Variants in HIKESHI observed in about 807,000 individuals in gnomAD.
HIKESHI encodes heat shock protein nuclear import factor hikeshi.
HIKESHI carries 13 observed loss-of-function variants against 25.7 expected under a neutral mutation model. The ratio of observed to expected loss-of-function variants is 0.51; its 90% CI spans 0.33 to 0.80. The LOEUF is 0.80. Ranked by LOEUF, HIKESHI falls within the 30% of genes least tolerant of loss-of-function variation. The probability of loss-of-function intolerance (pLI) is 0.02; values close to 1 mark genes in which losing one functional copy is unlikely to be tolerated. For missense variants in HIKESHI, 174 were observed against 229.5 expected (o/e 0.76, Z 1.56); for synonymous variants, 76 against 78.7 (o/e 0.97, Z 0.18).
intron 2 of HIKESHI, among the ~76,000 whole-genome samples, chr11:86,309,168 T>TC (rs1431186866): frequency 6.6e-6 from 1 of 152,208 alleles, no homozygotes. Context: ...ATGGTTGAAC[T>TC]AGTTTACAGT....
rs1378645151 is a variant in HIKESHI at position 86,306,095 on chromosome 11, A to G, written c.31-150A>G. 6 of 595,088 alleles carry G rather than the reference A, an allele frequency of 1.0e-5. No individual in the cohort carries two copies. The African/African-American group carries it at 1.1e-4, about 11-fold the overall frequency. 36.9% of individuals were successfully genotyped at this position (595,088 alleles called of 1,614,324 possible). A position where few individuals can be genotyped will look rare whatever the true frequency, so the allele number is the denominator to read the frequency against. On this transcript the variant is annotated intron_variant, in intron 1 of 4. Transcript: ENST00000278483. ...TTTAGTAGATTATGATTGTAAAACT[A>G]AGTATGTATTTAAGACTATCAGATT...
At chr11:86,324,190 CTT>C (rs1294652502) in intron 2 of HIKESHI, 1 of 152,176 alleles carries the variant, frequency 6.6e-6, no homozygotes, top group African/African-American at 2.4e-5. Flanking sequence ...TGCTACCAAA[CTT>C]AGTGTGGACA....
intron 2 of HIKESHI, among the ~76,000 whole-genome samples, chr11:86,315,562 G>A (rs987827758): frequency 7.9e-5 from 12 of 151,962 alleles, no homozygotes; most frequent in Non-Finnish European, 1.3e-4. Context: ...CTCGTGATCC[G>A]CCCACCTCAG....
chr11:86,336,888 G>A (rs1390793139), intron 2 of HIKESHI, among the ~76,000 whole-genome samples: 1 of 151,572 alleles, frequency 6.6e-6, no homozygotes, highest in Non-Finnish European at 1.5e-5. Flanking sequence ...TCTCATCAGA[G>A]ACCCCATAGT....
chr11:86,307,118 ATT>A (rs991158451), intron 2 of HIKESHI, among the ~76,000 whole-genome samples: 4 of 123,004 alleles, frequency 3.3e-5, no homozygotes, highest in Non-Finnish European at 4.9e-5. Context: ...TCAAATATAT[ATT>A]ATGTATAATA....
At chr11:86,318,030 T>C (rs766717969) in intron 2 of HIKESHI, among the ~76,000 whole-genome samples, 61 of 151,694 alleles carry the variant, frequency 4.0e-4, no homozygotes, top group Admixed American at 2.6e-3. Context: ...GAAGGCCGGG[T>C]GCAGTGGCTC....
chr11:86,329,771 T>TA (rs1947374994), intron 2 of HIKESHI, among the ~76,000 whole-genome samples: 1 of 152,226 alleles, frequency 6.6e-6, no homozygotes, highest in African/African-American at 2.4e-5. Context: ...CCAGTAATAA[T>TA]ACTGTCTCAA....
At chr11:86,313,753 TG>T (rs1226705493) in intron 2 of HIKESHI, among the ~76,000 whole-genome samples, 6 of 152,088 alleles carry the variant, frequency 3.9e-5, no homozygotes, top group Admixed American at 3.3e-4. Flanking sequence ...GTACAAAGTG[TG>T]GAGGGAGAAT....
intron 1 of HIKESHI, 110 bp downstream of exon 1, chr11:86,302,588 AT>A: frequency 2.3e-6 from 3 of 1,303,618 alleles, no homozygotes; most frequent in Non-Finnish European, 2.1e-6. Context: ...CACTTATTAT[AT>A]TTTGGGTGGG....
chr11:86,314,958 A>C (rs952847767), intron 2 of HIKESHI, among the ~76,000 whole-genome samples: 3 of 152,236 alleles, frequency 2.0e-5, no homozygotes, highest in African/African-American at 7.2e-5. Flanking sequence ...TTGTGTTGCA[A>C]GCTAAAGTTT....
rs1157932440 is a variant in HIKESHI at position 86,317,441 on chromosome 11, CAA to C, written c.268+10960_268+10961del. 3.2e-4 allele frequency among the ~76,000 whole-genome samples: 49 copies of C among 152,160 alleles called. 1 individual carries two copies. The highest frequency in any genetic ancestry group is 3.2e-3 in the Admixed American group (49 of 15,296). On this transcript the variant is annotated intron_variant, in intron 2 of 4. Coordinates refer to ENST00000278483, the MANE Select transcript of HIKESHI (RefSeq NM_016401.4). ...GTAGAAATTAATGATGGAAAACAAA[CAA>C]TAGAGAGGCTCAATGAAACCAAAAT...
At chr11:86,334,628 C>CT (rs1947502372) in intron 2 of HIKESHI, among the ~76,000 whole-genome samples, 1 of 151,992 alleles carries the variant, frequency 6.6e-6, no homozygotes, top group South Asian at 2.1e-4. Context: ...TAGCATAATT[C>CT]TAGATTTAAA....
intron 2 of HIKESHI, among the ~76,000 whole-genome samples, chr11:86,329,213 C>T (rs973069398): frequency 4.0e-5 from 6 of 150,464 alleles, no homozygotes; most frequent in East Asian, 1.9e-4. Context: ...CTTTCAGAAA[C>T]GGTGATCTGG....
intron 2 of HIKESHI, among the ~76,000 whole-genome samples, chr11:86,325,161 GA>G (rs1431684952): frequency 6.6e-6 from 1 of 151,590 alleles, no homozygotes; most frequent in Middle Eastern, 3.2e-3. Flanking sequence ...CTGGATGACA[GA>G]GTGAGACCCT....
chr11:86,338,152 C>G (rs1023113654), intron 3 of HIKESHI, among the ~76,000 whole-genome samples: 5 of 152,114 alleles, frequency 3.3e-5, no homozygotes, highest in Non-Finnish European at 5.9e-5. Flanking sequence ...ACTTTGTGCC[C>G]TTTGACCAAC....
intron 1 of HIKESHI, among the ~76,000 whole-genome samples, chr11:86,305,479 TG>T (rs1290057866): frequency 6.6e-6 from 1 of 152,010 alleles, no homozygotes; most frequent in Non-Finnish European, 1.5e-5. Flanking sequence ...CTCTACCTCC[TG>T]GGTTCAAGTG....
chr11:86,304,084 G>A (rs1454922746), intron 1 of HIKESHI, among the ~76,000 whole-genome samples: 1 of 152,118 alleles, frequency 6.6e-6, no homozygotes, highest in Non-Finnish European at 1.5e-5. Context: ...ACTAAAGCTG[G>A]AGGATTTTAA....
intron 1 of HIKESHI, among the ~76,000 whole-genome samples, chr11:86,304,887 G>A (rs1375965450): frequency 6.6e-6 from 1 of 152,188 alleles, no homozygotes; most frequent in Non-Finnish European, 1.5e-5. Context: ...AGCAAGCATT[G>A]ATTTGGGATT....
At chr11:86,306,530 C>T in intron 2 of HIKESHI, 48 bp downstream of exon 2, 1 of 1,151,444 alleles carries the variant, frequency 8.7e-7, no homozygotes, top group Non-Finnish European at 1.3e-6. Flanking sequence ...AAACTTTTTT[C>T]TTAAATAGCA....
Sources: allele counts gnomAD v4.1 joint callset (sites outside exome capture counted in the v4.1 genomes callset), GRCh38; gene constraint gnomAD v4.1.1; transcripts MANE v1.5; gene names NCBI Gene and HGNC (gene_info 2026-07-23, HGNC 2026-07-21).